The following VCL variants were observed in gnomAD, a reference collection of about 807,000 sequenced individuals.
VCL encodes epididymis luminal protein 114.
VCL carries 47 observed loss-of-function variants against 125.7 expected under a neutral mutation model. The ratio of observed to expected loss-of-function variants is 0.37; its 90% confidence interval spans 0.30 to 0.48. The LOEUF is 0.48. Ranked by LOEUF, VCL falls within the 20% of genes least tolerant of loss-of-function variation. VCL has a pLI of 0.99. For missense variants in VCL, 1,069 were observed against 1,455.5 expected, an observed-to-expected ratio of 0.73 and a Z score of 4.32; for synonymous variants, 458 against 514.6, an observed-to-expected ratio of 0.89 and a Z score of 1.49.
chr10:74,042,940 T>A (rs1030404697), intron 1 of VCL, 143 bp from the exon 2 acceptor site: 12 of 781,714 alleles, frequency 1.5e-5, no homozygotes, highest in Admixed American at 2.7e-5. Context: ...TCCTAAAAAA[T>A]TTTTTAAATC....
chr10:74,079,115 A>G (rs1839638767), intron 6 of VCL, among the ~76,000 whole-genome samples: 1 of 152,182 alleles, frequency 6.6e-6, no homozygotes, highest in Non-Finnish European at 1.5e-5. Context: ...AGCACGTACA[A>G]ATGGTTTAGC....
chr10:74,023,636 TG>T (rs2136235297), intron 1 of VCL, among the ~76,000 whole-genome samples: 2 of 152,364 alleles, frequency 1.3e-5, no homozygotes, highest in African/African-American at 4.8e-5. Context: ...CCGTGGCAAC[TG>T]TTCAATATCT....
intron 21 of VCL, among the ~76,000 whole-genome samples, chr10:74,116,784 C>T (rs1232972209): frequency 6.6e-6 from 1 of 152,106 alleles, no homozygotes; most frequent in African/African-American, 2.4e-5. Context: ...CTAATTCTCA[C>T]TCTATGAATG....
chr10:74,003,045 A>G (rs1312556418), intron 1 of VCL, among the ~76,000 whole-genome samples: 1 of 151,660 alleles, frequency 6.6e-6, no homozygotes, highest in African/African-American at 2.4e-5. Flanking sequence ...TTACTCCACA[A>G]TTAGGGAGGG....
intron 1 of VCL, among the ~76,000 whole-genome samples, chr10:74,029,546 G>C (rs1840835719): frequency 6.6e-6 from 1 of 152,170 alleles, no homozygotes; most frequent in Non-Finnish European, 1.5e-5. Context: ...GACAGACTGA[G>C]TCTCATATTG....
chr10:74,022,087 C>A (rs965391347), intron 1 of VCL, among the ~76,000 whole-genome samples: 1 of 152,136 alleles, frequency 6.6e-6, no homozygotes, highest in Non-Finnish European at 1.5e-5. Flanking sequence ...GCTATCACAT[C>A]CCTAACCCCT....
At chr10:74,059,339 G>A (rs1449007066) in intron 2 of VCL, among the ~76,000 whole-genome samples, 1 of 150,400 alleles carries the variant, frequency 6.6e-6, no homozygotes, top group Non-Finnish European at 1.5e-5. Context: ...CTGGGTGACA[G>A]AGCAAGACTC....
rs58026892 is a variant in VCL at position 74,074,660 on chromosome 10, T to G, written c.623-83T>G. On this transcript the variant is annotated intron_variant, in intron 5 of 21. Transcript: ENST00000211998. ...TAGGATCTTAAAAGCCCAAAACATC[T>G]AAAGTGTAGAACATCTTTTGTGAAT... 1.6e-5 allele frequency: 25 copies of G among 1,516,120 alleles called. No homozygotes were observed. The African/African-American group carries it at 3.2e-4, about 19-fold the overall frequency. 93.9% of individuals were successfully genotyped at this position (1,516,120 alleles called of 1,614,324 possible). A position where few individuals can be genotyped will look rare whatever the true frequency, so the allele number is the denominator to read the frequency against.
Position 74,074,766 on chromosome 10 carries a change from A to G in VCL, c.646A>G (p.Lys216Glu). Residue 216 changes from lysine to glutamate, a missense_variant, in exon 6 of 22, where the codon AAA (lysine) becomes GAA (glutamate). By Grantham distance (56) the Lys-to-Glu change is moderately conservative. This residue lies in a region of VCL where 760 missense variants were observed against 928.9 expected (regional missense o/e 0.82). Coordinates refer to ENST00000211998, the MANE Select transcript of VCL (RefSeq NM_014000.3). The part of the protein sequence containing the change: ...ISAMKIFVTT[K>E]NSKNQGIEEA... ...AGCTATGAAGATTTTTGTAACAACT[A>G]AAAACTCAAAAAACCAAGGCATAGA... 6.2e-7 allele frequency: 1 copy of G among 1,613,272 alleles called. No individual in the cohort carries two copies. Among genetic ancestry groups the G allele is most frequent in the Non-Finnish European group, 8.5e-7 (1 of 1,179,812 alleles).
chr10:74,095,989 A>G (rs1226172379), intron 12 of VCL, 134 bp downstream of exon 12: 7 of 1,131,070 alleles, frequency 6.2e-6, no homozygotes, highest in Non-Finnish European at 8.7e-6. Flanking sequence ...GACCAAAGAT[A>G]TAAGGAAATC....
At chr10:74,015,355 C>T (rs1840517534) in intron 1 of VCL, among the ~76,000 whole-genome samples, 1 of 152,144 alleles carries the variant, frequency 6.6e-6, no homozygotes. Context: ...GAGTTTGAGA[C>T]CAACCTGGCC....
Position 74,043,159 on chromosome 10 carries a change from T to C in VCL, c.239+6T>C. On this transcript the variant is annotated splice_donor_region_variant and intron_variant, in intron 2 of 21. Transcript: ENST00000211998. ...ATGCCACCAGCATTTATTAAGTGAG[T>C]AATTGAAATATTCTTCTGTTGCTAA... The C allele has an allele frequency of 1.2e-6, 2 of 1,610,740 alleles. No homozygotes were observed. Among genetic ancestry groups the C allele is most frequent in the Non-Finnish European group, 1.7e-6 (2 of 1,177,248 alleles).
intron 1 of VCL, among the ~76,000 whole-genome samples, chr10:74,026,277 T>A (rs1840771241): frequency 6.6e-6 from 1 of 152,198 alleles, no homozygotes; most frequent in African/African-American, 2.4e-5. Flanking sequence ...TTTTTCAGGG[T>A]GGTCTTTGTT....
chr10:74,060,662 AAAAAAAAAAAG>A (rs1339071818), intron 2 of VCL, among the ~76,000 whole-genome samples: 2 of 151,290 alleles, frequency 1.3e-5, no homozygotes, highest in African/African-American at 4.8e-5. Context: ...TCTCAAAAAA[AAAAAAAAAAAG>A]AAAAAGAAAA....
At position 74,074,900 on chromosome 10, in the gene VCL, C is replaced by T. The variant is rs774377548; in HGVS notation, c.780C>T (p.Ser260=). 10 of 1,614,116 alleles carry T rather than the reference C, an allele frequency of 6.2e-6. No individual in the cohort carries two copies. In the Middle Eastern group the frequency reaches 6.6e-4, roughly 107 times the overall value. ...CTTGGGATGAAGATGCCTGGGCCAG[C>T]AAGGTACGTGTTCTTAGTGGAGAAA... The part of the protein sequence containing the change: ...LTSWDEDAWA[S]KDTEAMKRAL... The change falls in exon 6 of 22, where the codon AGC becomes AGT. Residue 260 remains serine, a synonymous_variant. Transcript: ENST00000211998.
At chr10:74,041,063 G>C (rs939417003) in intron 1 of VCL, among the ~76,000 whole-genome samples, 1 of 152,138 alleles carries the variant, frequency 6.6e-6, no homozygotes, top group Non-Finnish European at 1.5e-5. Context: ...TGCCCAGGCT[G>C]GTCCCAAACT....
chr10:74,071,018 T>G lies in VCL; in HGVS notation c.434T>G (p.Leu145Arg). 6.2e-7 allele frequency: 1 copy of G among 1,614,206 alleles called. No homozygotes were observed. Among genetic ancestry groups the G allele is most frequent in the Non-Finnish European group, 8.5e-7 (1 of 1,180,018 alleles). ...GTTTGCAAAGGAATTTTGGAATATC[T>G]TACAGTGGCAGAGGTGGTGGAGACT... ...IRVCKGILEY[L>R]TVAEVVETME... Residue 145 changes from leucine (L) to arginine (R), a missense_variant, in exon 4 of 22, where the codon CTT becomes CGT. Leu to Arg is a moderately radical substitution (Grantham distance 102). Around this residue, in one of 6 missense-constraint regions of VCL, gnomAD observed 760 missense variants for 928.9 expected, o/e 0.82. Transcript: ENST00000211998. The surrounding 1 kb of genome is among the most constrained non-coding windows in gnomAD (Gnocchi z 4.1).
chr10:74,008,503 T>C (rs1158350723), intron 1 of VCL, among the ~76,000 whole-genome samples: 1 of 152,228 alleles, frequency 6.6e-6, no homozygotes, highest in Non-Finnish European at 1.5e-5. Context: ...TTAGACCAGA[T>C]GTTGATATAT....
intron 10 of VCL, among the ~76,000 whole-genome samples, chr10:74,091,791 CAAAAAAAA>C (rs545539526): frequency 2.3e-4 from 14 of 61,148 alleles, no homozygotes; most frequent in African/African-American, 6.9e-4. Context: ...TCTGTCTCAG[CAAAAAAAA>C]AAAAAAAAAA....
Sources: allele counts gnomAD v4.1 joint callset (sites outside exome capture counted in the v4.1 genomes callset), GRCh38; gene constraint gnomAD v4.1.1; regional missense constraint gnomAD v4.1.1; non-coding constraint Gnocchi (gnomAD v3.1); transcripts MANE v1.5; gene names NCBI Gene and HGNC (gene_info 2026-07-23, HGNC 2026-07-21).